The following SPON1 variants were observed in gnomAD, a reference collection of about 807,000 sequenced individuals.
The protein encoded by SPON1 is spondin 1.
In SPON1, 52 loss-of-function variants were observed where a neutral mutation model predicts 111.7. The observed-to-expected ratio is 0.47, with a 90% confidence interval of 0.37 to 0.59. The LOEUF (loss-of-function observed/expected upper bound fraction) is 0.59, where lower values mean the gene tolerates loss of function less well. SPON1 is among the 20% of genes least tolerant of loss of function. The pLI is 0.00. For missense variants in SPON1, 957 were observed against 1,068.5 expected (o/e 0.90, Z 1.46); for synonymous variants, 410 against 395.8 (o/e 1.04, Z -0.43).
intron 3 of SPON1, among the ~76,000 whole-genome samples, chr11:14,049,584 G>T (rs1288646499): frequency 1.3e-5 from 2 of 152,102 alleles, no homozygotes; most frequent in Non-Finnish European, 2.9e-5. Context: ...AGCCTTTCTT[G>T]TCTGTCCATT....
At chr11:14,185,626 GCA>G (rs1216929328) in intron 6 of SPON1, among the ~76,000 whole-genome samples, 4 of 152,268 alleles carry the variant, frequency 2.6e-5, no homozygotes, top group Non-Finnish European at 1.5e-5. Flanking sequence ...AGGCATCACT[GCA>G]GAGTAAAGTT....
chr11:14,246,611 C>G (rs1453772162), intron 7 of SPON1, among the ~76,000 whole-genome samples: 1 of 152,124 alleles, frequency 6.6e-6, no homozygotes, highest in Non-Finnish European at 1.5e-5. Flanking sequence ...CCAAAACAAA[C>G]AAAATCTTAC....
At chr11:14,000,776 G>T (rs1398759069) in intron 2 of SPON1, among the ~76,000 whole-genome samples, 1 of 152,052 alleles carries the variant, frequency 6.6e-6, no homozygotes, top group African/African-American at 2.4e-5. Context: ...TTGTACTTAT[G>T]TGGCTGCCTT....
intron 6 of SPON1, among the ~76,000 whole-genome samples, chr11:14,218,192 C>T (rs111578882): frequency 7.5e-4 from 115 of 152,334 alleles, no homozygotes; most frequent in East Asian, 3.5e-3. Flanking sequence ...CCACCTTAGT[C>T]ATATCTGTGA....
chr11:14,020,505 GCA>G (rs1359383281), intron 2 of SPON1, among the ~76,000 whole-genome samples: 3 of 152,166 alleles, frequency 2.0e-5, no homozygotes, highest in African/African-American at 7.2e-5. Flanking sequence ...TATTAGTTTG[GCA>G]CTGTGTGCCA....
At chr11:14,097,839 T>A (rs1390797326) in intron 5 of SPON1, among the ~76,000 whole-genome samples, 1 of 140,870 alleles carries the variant, frequency 7.1e-6, no homozygotes, top group Non-Finnish European at 1.6e-5. Flanking sequence ...ACAACATGTT[T>A]TTGTCTTTTT....
chr11:13,979,429 C>T (rs1204872359), intron 1 of SPON1, among the ~76,000 whole-genome samples: 22 of 152,158 alleles, frequency 1.4e-4, no homozygotes, highest in African/African-American at 4.8e-4. Context: ...TATCTTAAAC[C>T]GTAACACAAG....
chr11:14,240,757 C>T (rs1848916527), intron 6 of SPON1, among the ~76,000 whole-genome samples: 1 of 152,134 alleles, frequency 6.6e-6, no homozygotes, highest in Admixed American at 6.5e-5. Context: ...ACTCCACCCA[C>T]ATTGATTTTA....
At chr11:14,077,868 A>G (rs1848930662) in intron 4 of SPON1, among the ~76,000 whole-genome samples, 1 of 152,166 alleles carries the variant, frequency 6.6e-6, no homozygotes, top group African/African-American at 2.4e-5. Flanking sequence ...GGAAACGCAG[A>G]AAAAAGAGAA....
At chr11:14,233,034 C>T (rs907367024) in intron 6 of SPON1, among the ~76,000 whole-genome samples, 3 of 152,014 alleles carry the variant, frequency 2.0e-5, no homozygotes, top group Non-Finnish European at 2.9e-5. Context: ...TGCTCTCCCC[C>T]ATCCTCTCCT....
At chr11:14,098,312 C>T (rs949651574) in intron 5 of SPON1, among the ~76,000 whole-genome samples, 23 of 152,140 alleles carry the variant, frequency 1.5e-4, no homozygotes, top group African/African-American at 5.3e-4. Context: ...GCCATTTCAG[C>T]GCTTATTGAT....
At position 14,020,758 on chromosome 11, in the gene SPON1, C is replaced by A. The variant is rs1055490821; in HGVS notation, c.346-20763C>A. Among the ~76,000 whole-genome samples, 16 of 152,294 alleles carry A rather than the reference C, an allele frequency of 1.1e-4. 1 individual carries two copies. The East Asian group carries it at 3.1e-3, about 29-fold the overall frequency. ...GAATACCAGGAACAGTAGAAAAGAA[C>A]TGAAGTTCTGGAGTCCCACAGCCAG... On this transcript the variant is annotated intron_variant, in intron 2 of 15. Coordinates refer to ENST00000576479, the MANE Select transcript of SPON1 (RefSeq NM_006108.4).
At chr11:14,166,539 A>G (rs1364263251) in intron 6 of SPON1, among the ~76,000 whole-genome samples, 1 of 152,168 alleles carries the variant, frequency 6.6e-6, no homozygotes, top group Non-Finnish European at 1.5e-5. Context: ...TGAGTCCTGC[A>G]CTTAAGAGTC....
At chr11:14,017,023 G>A (rs1848448802) in intron 2 of SPON1, among the ~76,000 whole-genome samples, 1 of 152,162 alleles carries the variant, frequency 6.6e-6, no homozygotes, top group African/African-American at 2.4e-5. Flanking sequence ...TACGGTGTAA[G>A]GGAAACTTTT....
intron 5 of SPON1, among the ~76,000 whole-genome samples, chr11:14,113,568 ATTTTTTTTTTTTT>A (rs782780924): frequency 0.02 from 1,457 of 74,716 alleles, 273 homozygotes; most frequent in Admixed American, 0.035. Context: ...TACTTTTTAA[ATTTTTTTTTTTTT>A]TTTTTTTTTT....
At chr11:14,002,023 G>A (rs1848322779) in intron 2 of SPON1, among the ~76,000 whole-genome samples, 1 of 152,192 alleles carries the variant, frequency 6.6e-6, no homozygotes, top group African/African-American at 2.4e-5. Context: ...ACAGGACTTA[G>A]TCATGATCAG....
chr11:14,213,674 T>C (rs1457458277), intron 6 of SPON1, among the ~76,000 whole-genome samples: 2 of 152,296 alleles, frequency 1.3e-5, no homozygotes, highest in African/African-American at 4.8e-5. Context: ...AGTCCTTCAG[T>C]TGAGCTGAGG....
chr11:14,265,285 T>A (rs968730851), intron 15 of SPON1, among the ~76,000 whole-genome samples: 1 of 152,196 alleles, frequency 6.6e-6, no homozygotes, highest in Non-Finnish European at 1.5e-5. Flanking sequence ...CAAGCCCAGA[T>A]TCAAGAGGTG....
At chr11:13,983,026 C>T in intron 2 of SPON1, 73 bp downstream of exon 2, 1 of 1,040,148 alleles carries the variant, frequency 9.6e-7, no homozygotes, top group Non-Finnish European at 1.4e-6. Context: ...GTACAAGTGT[C>T]TCAGGTGGCT....
Sources: gnomAD v4.1 joint callset for allele counts (sites outside exome capture counted in the v4.1 genomes callset) on GRCh38, gnomAD v4.1.1 for gene constraint, MANE v1.5 for transcripts, NCBI Gene and HGNC (gene_info 2026-07-23, HGNC 2026-07-21) for gene names.